NRG1: variants seen among roughly 807,000 people sequenced by gnomAD.
NRG1 encodes the protein neuregulin 1.
Under a neutral mutation model 63.8 loss-of-function variants are expected in NRG1, and 18 were observed. The ratio of observed to expected loss-of-function variants is 0.28; its 90% CI spans 0.19 to 0.42. The LOEUF (loss-of-function observed/expected upper bound fraction) is 0.42, where lower values mean the gene tolerates loss of function less well. NRG1 is among the 10% of genes least tolerant of loss of function. The pLI, the probability that NRG1 is intolerant of heterozygous loss-of-function variation, is 1.00. For synonymous variants in NRG1, 302 were observed against 301.3 expected, an observed-to-expected ratio of 1.00 and a Z score of -0.02; for missense variants, 762 against 814.7, an observed-to-expected ratio of 0.94 and a Z score of 0.79.
chr8:32,053,721 G>A (rs1245436305), intron 1 of NRG1, among the ~76,000 whole-genome samples: 2 of 152,154 alleles, frequency 1.3e-5, no homozygotes, highest in Non-Finnish European at 2.9e-5. Flanking sequence ...TCTAGAGTAG[G>A]TTGAATACAT....
At chr8:32,359,114 G>A (rs1217873971) in intron 1 of NRG1, among the ~76,000 whole-genome samples, 2 of 152,072 alleles carry the variant, frequency 1.3e-5, no homozygotes, top group Admixed American at 6.6e-5. Context: ...TTACAAACAG[G>A]ATAAGTCTAC....
chr8:32,564,553 T>G (rs1837075686), intron 1 of NRG1, among the ~76,000 whole-genome samples: 1 of 152,240 alleles, frequency 6.6e-6, no homozygotes, highest in Non-Finnish European at 1.5e-5. Context: ...TACATCCTCT[T>G]TATTCCTATT....
chr8:32,130,272 C>A (rs1834638543), intron 1 of NRG1, among the ~76,000 whole-genome samples: 1 of 151,834 alleles, frequency 6.6e-6, no homozygotes, highest in Non-Finnish European at 1.5e-5. Flanking sequence ...TGAAAAAAAG[C>A]AAATGATTGC....
chr8:32,561,046 G>C (rs1836296883), intron 1 of NRG1, among the ~76,000 whole-genome samples: 1 of 152,172 alleles, frequency 6.6e-6, no homozygotes, highest in Non-Finnish European at 1.5e-5. Flanking sequence ...GGTTGTCTTA[G>C]AGGTCATCTG....
chr8:31,879,051 T>A (rs748791022), intron 1 of NRG1, among the ~76,000 whole-genome samples: 1 of 152,102 alleles, frequency 6.6e-6, no homozygotes, highest in Non-Finnish European at 1.5e-5. Context: ...CCATTATCTT[T>A]GCTGTATTCC....
intron 1 of NRG1, among the ~76,000 whole-genome samples, chr8:32,291,533 CTT>C (rs757839225): frequency 0.052 from 5,062 of 97,346 alleles, 37 homozygotes; most frequent in South Asian, 0.068. Flanking sequence ...TTTTTATCCA[CTT>C]TTTTTTTTTT....
At chr8:32,274,812 G>A (rs1282570473) in intron 1 of NRG1, among the ~76,000 whole-genome samples, 2 of 152,084 alleles carry the variant, frequency 1.3e-5, no homozygotes, top group Non-Finnish European at 2.9e-5. Flanking sequence ...TCCAACAAAT[G>A]TATAAACAGG....
At chr8:32,724,937 G>A (rs1821688006) in intron 5 of NRG1, among the ~76,000 whole-genome samples, 2 of 152,134 alleles carry the variant, frequency 1.3e-5, no homozygotes, top group Admixed American at 1.3e-4. Flanking sequence ...GGGGCTTCAG[G>A]ATAGCATTAC....
At chr8:31,897,656 A>G (rs1831685057) in intron 1 of NRG1, among the ~76,000 whole-genome samples, 2 of 152,122 alleles carry the variant, frequency 1.3e-5, no homozygotes, top group South Asian at 2.1e-4. Flanking sequence ...ATCTTGACCC[A>G]GACATTCCCT....
chr8:31,827,105 G>A (rs1824646281), intron 1 of NRG1, among the ~76,000 whole-genome samples: 1 of 152,070 alleles, frequency 6.6e-6, no homozygotes, highest in African/African-American at 2.4e-5. Flanking sequence ...TTTTTTTCTG[G>A]TTCAGGGTAC....
At chr8:32,758,575 CAAAAAAAAAAAAAAA>C (rs35499101) in intron 9 of NRG1, among the ~76,000 whole-genome samples, 1 of 74,524 alleles carries the variant, frequency 1.3e-5, no homozygotes, top group Non-Finnish European at 2.2e-5. Context: ...GACTCCATCT[CAAAAAAAAAAAAAAA>C]AAAAAAAAAA....
In NRG1 at chr8:31,677,680, G is replaced by A. The variant is rs145399035; in HGVS notation, c.37+38249G>A. On this transcript the variant is annotated intron_variant, in intron 1 of 10. Transcript: ENST00000519301. Reference sequence around the variant, plus strand: ...AATGTATTGGATCATTTTCAGACTCGCGGCAGCCAGTCCTTGGGCTATTTC... The same window carrying A: ...AATGTATTGGATCATTTTCAGACTCACGGCAGCCAGTCCTTGGGCTATTTC... Among the ~76,000 whole-genome samples the A allele has an allele frequency of 8.5e-5, 13 of 152,264 alleles. No individual in the cohort carries two copies. In the East Asian group the frequency reaches 9.6e-4, roughly 11 times the overall value.
At chr8:32,221,475 A>AAAAT (rs779995803) in intron 1 of NRG1, among the ~76,000 whole-genome samples, 1 of 152,176 alleles carries the variant, frequency 6.6e-6, no homozygotes, top group African/African-American at 2.4e-5. Context: ...AATCTTAGCA[A>AAAAT]AAATAAATAA....
intron 1 of NRG1, among the ~76,000 whole-genome samples, chr8:32,242,001 A>C (rs1458624961): frequency 6.6e-6 from 1 of 152,030 alleles, no homozygotes; most frequent in Admixed American, 6.6e-5. Flanking sequence ...AATCCTTCAG[A>C]CTTGTCCTCC....
At chr8:32,609,552 C>CTTCCTTCCT (rs1427876662) in intron 3 of NRG1, among the ~76,000 whole-genome samples, 2 of 83,174 alleles carry the variant, frequency 2.4e-5, no homozygotes, top group Admixed American at 1.3e-4. Context: ...CCTTCCCTCC[C>CTTCCTTCCT]TCCTTCCTTC....
intron 1 of NRG1, among the ~76,000 whole-genome samples, chr8:32,126,674 C>G (rs947732595): frequency 6.6e-6 from 1 of 151,900 alleles, no homozygotes; most frequent in African/African-American, 2.4e-5. Flanking sequence ...AATGACCCAG[C>G]CCATGGTGGC....
intron 1 of NRG1, among the ~76,000 whole-genome samples, chr8:32,213,663 T>C (rs1487657961): frequency 2.0e-5 from 3 of 152,028 alleles, no homozygotes; most frequent in Non-Finnish European, 2.9e-5. Context: ...GGTAGCAATA[T>C]CTCTACCTAA....
At chr8:31,988,110 G>T (rs1810403781) in intron 1 of NRG1, among the ~76,000 whole-genome samples, 1 of 152,110 alleles carries the variant, frequency 6.6e-6, no homozygotes, top group South Asian at 2.1e-4. Context: ...TTGTCCAGAT[G>T]TTTCTGTCTT....
At chr8:31,913,514 A>G (rs1833120723) in intron 1 of NRG1, among the ~76,000 whole-genome samples, 1 of 152,050 alleles carries the variant, frequency 6.6e-6, no homozygotes, top group South Asian at 2.1e-4. Flanking sequence ...TTCATCTTAC[A>G]TTTTTACATA....
Sources: allele counts gnomAD v4.1 joint callset (sites outside exome capture counted in the v4.1 genomes callset), GRCh38; gene constraint gnomAD v4.1.1; transcripts MANE v1.5; gene names NCBI Gene and HGNC (gene_info 2026-07-23, HGNC 2026-07-21).